The following KLHL13 variants were observed in gnomAD, a reference collection of about 807,000 sequenced individuals.
The protein encoded by KLHL13 is kelch like family member 13, also known as kelch-like protein 13.
A neutral mutation model predicts 37.1 loss-of-function variants in KLHL13; 10 were observed. The ratio of observed to expected loss-of-function variants is 0.27; its 90% CI spans 0.17 to 0.46. The LOEUF is 0.46. Ranked by LOEUF, KLHL13 falls within the 20% of genes least tolerant of loss-of-function variation. The pLI, the probability that KLHL13 is intolerant of heterozygous loss-of-function variation, is 1.00. For synonymous variants in KLHL13, 163 were observed against 181.2 expected (o/e 0.90, Z 0.81); for missense variants, 360 against 509.3 (o/e 0.71, Z 2.82).
At chrX:118,033,843 C>T (rs1209941611) in intron 1 of KLHL13, among the ~76,000 whole-genome samples, 2 of 107,902 alleles carry the variant, frequency 1.9e-5, no homozygotes, top group Non-Finnish European at 3.8e-5. Flanking sequence ...ATTCAGGAAA[C>T]CCATCTCACG....
chrX:118,019,500 G>C (rs923934568), intron 1 of KLHL13, among the ~76,000 whole-genome samples: 2 of 110,774 alleles, frequency 1.8e-5, no homozygotes, highest in African/African-American at 6.7e-5. Flanking sequence ...AGTTGAATTA[G>C]ATCCCATTTG....
intron 1 of KLHL13, among the ~76,000 whole-genome samples, chrX:118,005,235 A>G (rs2053968630): frequency 1.8e-5 from 2 of 111,950 alleles, no homozygotes; most frequent in African/African-American, 6.5e-5. Flanking sequence ...CTGTATATAT[A>G]AAATATTAAA....
chrX:118,039,223 T>C (rs2054482650), intron 1 of KLHL13, among the ~76,000 whole-genome samples: 1 of 112,029 alleles, frequency 8.9e-6, no homozygotes, highest in African/African-American at 3.2e-5. Context: ...ACCCAGAACA[T>C]TCCTAGATGT....
chrX:118,046,946 A>G (rs891280975), intron 1 of KLHL13, among the ~76,000 whole-genome samples: 1 of 111,989 alleles, frequency 8.9e-6, no homozygotes, highest in African/African-American at 3.2e-5. Flanking sequence ...TTTCAATATC[A>G]GTGGGGAGAA....
intron 1 of KLHL13, among the ~76,000 whole-genome samples, chrX:118,071,090 C>T (rs767832879): frequency 8.9e-6 from 1 of 111,800 alleles, no homozygotes; most frequent in East Asian, 2.8e-4. Context: ...ATGAACTCAT[C>T]ATTTTTTATG....
intron 1 of KLHL13, among the ~76,000 whole-genome samples, chrX:118,096,763 G>T (rs1284914497): frequency 9.0e-6 from 1 of 111,660 alleles, no homozygotes; most frequent in Non-Finnish European, 1.9e-5. Flanking sequence ...GGGATGCAAG[G>T]CTGGTTCAAT....
intron 1 of KLHL13, among the ~76,000 whole-genome samples, chrX:118,035,026 C>A (rs1287291353): frequency 2.1e-5 from 2 of 94,648 alleles, no homozygotes; most frequent in African/African-American, 1.1e-4. Flanking sequence ...CATACACTCT[C>A]CCAAGACTAA....
intron 4 of KLHL13, among the ~76,000 whole-genome samples, chrX:117,916,347 A>G (rs2147674866): frequency 8.9e-6 from 1 of 112,245 alleles, no homozygotes; most frequent in East Asian, 2.8e-4. Flanking sequence ...TTTACCTACC[A>G]TGCTTCATAT....
chrX:118,045,403 T>C (rs1439014622), intron 1 of KLHL13, among the ~76,000 whole-genome samples: 5 of 101,965 alleles, frequency 4.9e-5, no homozygotes, highest in African/African-American at 1.4e-4. Context: ...GAAAAAGAAA[T>C]GGGCAAACTA....
At chrX:118,105,892 CTT>C (rs754130371) in intron 1 of KLHL13, among the ~76,000 whole-genome samples, 133 of 66,992 alleles carry the variant, frequency 2.0e-3, no homozygotes, top group African/African-American at 8.5e-3. Flanking sequence ...GTCTAAACAG[CTT>C]TTTTTTTTTT....
chrX:117,921,840 C>T (rs1931719600), intron 2 of KLHL13, among the ~76,000 whole-genome samples: 2 of 112,058 alleles, frequency 1.8e-5, no homozygotes, highest in African/African-American at 3.2e-5. Context: ...CTGATCCAGC[C>T]ACTCTCCCTC....
At chrX:118,075,707 G>A (rs1286637343) in intron 1 of KLHL13, among the ~76,000 whole-genome samples, 2 of 111,639 alleles carry the variant, frequency 1.8e-5, no homozygotes, top group African/African-American at 3.3e-5. Context: ...AGGATAGGAT[G>A]AGGAGTTAAA....
intron 1 of KLHL13, among the ~76,000 whole-genome samples, chrX:118,009,881 G>A (rs1167977545): frequency 9.8e-6 from 1 of 101,956 alleles, no homozygotes; most frequent in African/African-American, 3.6e-5. Context: ...TCCTACCCAT[G>A]AGCATGGAAT....
intron 1 of KLHL13, among the ~76,000 whole-genome samples, chrX:118,066,634 A>T (rs2148104630): frequency 9.0e-6 from 1 of 111,440 alleles, no homozygotes; most frequent in South Asian, 3.8e-4. Context: ...GAGAAACCTG[A>T]CAAAATGATC....
At chrX:117,958,984 T>A (rs1043319197) in intron 1 of KLHL13, among the ~76,000 whole-genome samples, 5 of 111,862 alleles carry the variant, frequency 4.5e-5, no homozygotes, top group Admixed American at 2.9e-4. Flanking sequence ...CAGGGCTGGA[T>A]CAGCAATCAC....
intron 2 of KLHL13, among the ~76,000 whole-genome samples, chrX:117,934,505 A>G (rs903557568): frequency 9.0e-6 from 1 of 110,987 alleles, no homozygotes; most frequent in African/African-American, 3.3e-5. Context: ...AAGATAATAC[A>G]GAAGCAAAGA....
At chrX:117,945,754 T>A in intron 1 of KLHL13, 179 bp from the exon 3 acceptor site, 1 of 394,381 alleles carries the variant, frequency 2.5e-6, no homozygotes, top group Non-Finnish European at 4.3e-6. Context: ...TGTATATTTG[T>A]AAAATGGTTT....
intron 1 of KLHL13, among the ~76,000 whole-genome samples, chrX:117,980,704 T>C (rs2147924914): frequency 8.9e-6 from 1 of 112,146 alleles, no homozygotes; most frequent in South Asian, 3.7e-4. Context: ...TCAATTGCTT[T>C]AACTTTTACC....
chrX:117,998,843 C>CTTCATTTAT (rs2053886990), intron 1 of KLHL13, among the ~76,000 whole-genome samples: 1 of 110,726 alleles, frequency 9.0e-6, no homozygotes, highest in African/African-American at 3.3e-5. Context: ...CACAGGGAAC[C>CTTCATTTAT]ATGAAGCAAA....
Sources: gnomAD v4.1 joint callset for allele counts (sites outside exome capture counted in the v4.1 genomes callset) on GRCh38, gnomAD v4.1.1 for gene constraint, MANE v1.5 for transcripts, NCBI Gene and HGNC (gene_info 2026-07-23, HGNC 2026-07-21) for gene names.